The following LYST variants were observed in gnomAD, a reference collection of about 807,000 sequenced individuals.
LYST encodes lysosomal-trafficking regulator.
In LYST, 192 loss-of-function variants were observed where a neutral mutation model predicts 413.6. The observed-to-expected ratio is 0.46, with a 90% confidence interval of 0.41 to 0.52. LYST has a LOEUF of 0.52. Among genes scored for constraint, LYST ranks in the 20% least tolerant of loss-of-function variants. The pLI is 0.00. For synonymous variants in LYST, 1,525 were observed against 1,567.3 expected, an observed-to-expected ratio of 0.97 and a Z score of 0.64; for missense variants, 3,815 against 4,499.9, an observed-to-expected ratio of 0.85 and a Z score of 4.35.
At chr1:235,763,532 C>T (rs995523613) in intron 21 of LYST, among the ~76,000 whole-genome samples, 1 of 152,192 alleles carries the variant, frequency 6.6e-6, no homozygotes, top group Non-Finnish European at 1.5e-5. Context: ...CTCACTGCAA[C>T]CTCTGCCTCC....
chr1:235,865,364 C>T (rs754248132), intron 1 of LYST, among the ~76,000 whole-genome samples: 6 of 152,148 alleles, frequency 3.9e-5, no homozygotes, highest in Non-Finnish European at 5.9e-5. Flanking sequence ...TAGTACTTAA[C>T]ACCATCTGAC....
Position 235,806,338 on chromosome 1 carries a change from G to C in LYST, c.2798C>G (p.Ala933Gly). 4 of 1,613,998 alleles carry C rather than the reference G, an allele frequency of 2.5e-6. No individual in the cohort carries two copies. The highest frequency in any genetic ancestry group is 2.2e-5 in the East Asian group (1 of 44,856). The change falls in exon 6 of 53, where the codon GCC (alanine) becomes GGC (glycine). Residue 933 changes from alanine (A) to glycine (G), a missense_variant. By Grantham distance (60) the Ala-to-Gly change is moderately conservative. This residue lies in a region of LYST where 1,648 missense variants were observed against 1,810.3 expected (regional missense o/e 0.91). Coordinates refer to ENST00000389793, the MANE Select transcript of LYST (RefSeq NM_000081.4). ...CAGCATATGACTTAAAGGCTCGCTG[G>C]CTGTGCTGTCATAGCCAGAAGTATC... The part of the protein sequence containing the change: ...SEDTSGYDST[A>G]SEPLSHMLPC...
At chr1:235,731,556 AT>A (rs61633038) in intron 34 of LYST, among the ~76,000 whole-genome samples, 25,339 of 121,076 alleles carry the variant, frequency 0.21, 1,276 homozygotes, top group African/African-American at 0.27. Context: ...CCCATTTTGC[AT>A]TTTTTTTTTT....
chr1:235,877,520 C>T (rs1681190874), intron 1 of LYST, among the ~76,000 whole-genome samples: 1 of 152,270 alleles, frequency 6.6e-6, no homozygotes, highest in African/African-American at 2.4e-5. Flanking sequence ...AATTCTCCTG[C>T]CTCTGCCTCC....
rs1673263416 is a variant in LYST at position 235,809,833 on chromosome 1, G to A, written c.985C>T (p.Arg329Ter). Residue 329 changes from arginine to a stop codon, truncating the protein, a stop_gained, in exon 5 of 53, where the codon CGA becomes TGA. Transcript: ENST00000389793. LOFTEE classifies it high-confidence loss of function. This position sits in a 1 kb window ranked among gnomAD's most constrained non-coding sequence, Gnocchi z 4.0. ...ACTGACAGAAGATGCAACACTGTTCGAAAGAGCATCCTTTGAATCAAAGCC... is the reference window on the plus strand; with the variant it reads ...ACTGACAGAAGATGCAACACTGTTCAAAAGAGCATCCTTTGAATCAAAGCC... The part of the protein sequence containing the change: ...PVALIQRMLF[R>*]TVLHLLSVDV... The A allele has an allele frequency of 1.9e-6, 3 of 1,613,924 alleles. No individual in the cohort carries two copies. The highest frequency in any genetic ancestry group is 2.5e-6 in the Non-Finnish European group (3 of 1,179,952).
At chr1:235,801,160 T>A in intron 8 of LYST, 63 bp from the exon 9 acceptor site, 1 of 1,082,458 alleles carries the variant, frequency 9.2e-7, no homozygotes, top group Non-Finnish European at 1.4e-6. Flanking sequence ...CAAACTTCAT[T>A]AATCATTTAG....
chr1:235,668,860 T>C (rs1279981091), intron 50 of LYST, among the ~76,000 whole-genome samples: 3 of 152,230 alleles, frequency 2.0e-5, no homozygotes, highest in Non-Finnish European at 2.9e-5. Context: ...AAGTCAACTC[T>C]TTAAGATCTT....
intron 1 of LYST, among the ~76,000 whole-genome samples, chr1:235,843,275 A>G (rs1677425983): frequency 6.6e-6 from 1 of 152,154 alleles, no homozygotes; most frequent in East Asian, 1.9e-4. Flanking sequence ...ATTTTAATAG[A>G]TATTTATTAA....
intron 1 of LYST, among the ~76,000 whole-genome samples, chr1:235,876,123 G>A (rs1179154451): frequency 6.6e-6 from 1 of 152,072 alleles, no homozygotes; most frequent in African/African-American, 2.4e-5. Context: ...TCAGGAGGCT[G>A]AGGTGAGAGG....
rs530034435 is a variant in LYST at position 235,759,057 on chromosome 1, C to G, written c.6796G>C (p.Val2266Leu). 2.5e-6 allele frequency: 4 copies of G among 1,614,126 alleles called. No homozygotes were observed. The East Asian group carries it at 8.9e-5, about 36-fold the overall frequency. The part of the protein sequence containing the change: ...SAAVGRWPSL[V>L]DRNTDDWENF... ...TCCCAATCATCAGTGTTTCTATCAA[C>G]AAGACTTGGCCAACGGCCAACAGCT... Residue 2266 changes from valine (V) to leucine (L), a missense_variant, in exon 23 of 53, where the codon GTT becomes CTT. This residue lies in a region of LYST where 771 missense variants were observed against 837.1 expected (regional missense o/e 0.92). Transcript: ENST00000389793.
intron 48 of LYST, among the ~76,000 whole-genome samples, chr1:235,680,181 G>A (rs1659698884): frequency 6.6e-6 from 1 of 152,076 alleles, no homozygotes; most frequent in African/African-American, 2.4e-5. Context: ...CGTTTCAGGG[G>A]AGGATTATTC....
chr1:235,697,170 A>G lies in LYST; in HGVS notation c.10477T>C (p.Phe3493Leu), dbSNP rs200511787. Residue 3493 changes from phenylalanine to leucine, a missense_variant, in exon 46 of 53, where the codon TTT becomes CTT. Transcript: ENST00000389793. ...GTGGGCAGAGCCTGGAGAGAGCCAA[A>G]TCTTTCTCCGTGGGGCTGGCTGAAG... ...VCFSQPHGERFGSLQALPTRA... is the reference protein window; with the variant it reads ...VCFSQPHGERLGSLQALPTRA... 180 of 1,614,048 alleles carry G rather than the reference A, an allele frequency of 1.1e-4. No individual in the cohort carries two copies. The highest frequency in any genetic ancestry group is 1.3e-4 in the Admixed American group (8 of 60,000).
chr1:235,792,088 C>A lies in LYST; in HGVS notation c.4154G>T (p.Ser1385Ile), dbSNP rs1224211438. 3.1e-6 allele frequency: 5 copies of A among 1,612,806 alleles called. No homozygotes were observed. Among genetic ancestry groups the A allele is most frequent in the Non-Finnish European group, 4.2e-6 (5 of 1,179,244 alleles). The change falls in exon 12 of 53, where the codon AGT becomes ATT. Residue 1385 changes from serine (S) to isoleucine (I), a missense_variant. Ser to Ile is a moderately radical substitution (Grantham distance 142). Around this residue, in one of 4 missense-constraint regions of LYST, gnomAD observed 1,648 missense variants for 1,810.3 expected, o/e 0.91. Transcript: ENST00000389793. ...CTGTGAAGGGCTCATAGTAGTATCACTTTCAATAATTTTCAGAATACCCAG... is the reference window on the plus strand; with the variant it reads ...CTGTGAAGGGCTCATAGTAGTATCAATTTCAATAATTTTCAGAATACCCAG... ...LLLGILKIIE[S>I]DTTMSPSQYL... is the part of the protein sequence containing the mutation.
At chr1:235,822,463 C>G (rs1674853273) in intron 3 of LYST, among the ~76,000 whole-genome samples, 1 of 152,150 alleles carries the variant, frequency 6.6e-6, no homozygotes, top group African/African-American at 2.4e-5. Flanking sequence ...GAGCAGATAA[C>G]CTGTCTAATT....
chr1:235,755,761 C>A, intron 24 of LYST, 114 bp from the exon 25 acceptor site: 1 of 623,050 alleles, frequency 1.6e-6, no homozygotes, highest in Admixed American at 3.0e-5. Flanking sequence ...CAGAAGAACA[C>A]AGAAAGCTTA....
Position 235,757,340 on chromosome 1 carries a change from C to T in LYST, c.7000G>A (p.Asp2334Asn). 1.2e-6 allele frequency: 2 copies of T among 1,613,638 alleles called. 1 individual carries two copies. Reference sequence around the variant, plus strand: ...TGGTTAACGAGGACCAAAAGTGTATCTGCTTGAATAAGCTTGTCCATCACA... The same window carrying T: ...TGGTTAACGAGGACCAAAAGTGTATTTGCTTGAATAAGCTTGTCCATCACA... ...EDVMDKLIQA[D>N]TLLVLVNHPS... The change falls in exon 24 of 53, where the codon GAT (aspartate) becomes AAT (asparagine). Residue 2334 changes from aspartate to asparagine, a missense_variant. By Grantham distance (23) the Asp-to-Asn change is conservative. Coordinates refer to ENST00000389793, the MANE Select transcript of LYST (RefSeq NM_000081.4).
intron 48 of LYST, 152 bp from the exon 49 acceptor site, chr1:235,677,771 A>T (rs1022537865): frequency 5.0e-5 from 27 of 535,492 alleles, no homozygotes; most frequent in Non-Finnish European, 6.9e-5. Flanking sequence ...GAAAGAAATT[A>T]AAAAATTTTT....
At chr1:235,839,082 C>G (rs1345572609) in intron 1 of LYST, among the ~76,000 whole-genome samples, 1 of 152,220 alleles carries the variant, frequency 6.6e-6, no homozygotes, top group East Asian at 1.9e-4. Context: ...GCCTTGACTT[C>G]CCAAAGTGTT....
intron 50 of LYST, among the ~76,000 whole-genome samples, chr1:235,665,321 G>A (rs1444199058): frequency 6.6e-6 from 1 of 152,030 alleles, no homozygotes; most frequent in Non-Finnish European, 1.5e-5. Flanking sequence ...TCTATAAGAA[G>A]TGACTTGGCC....
Sources: gnomAD v4.1 joint callset for allele counts (sites outside exome capture counted in the v4.1 genomes callset) on GRCh38, gnomAD v4.1.1 for gene constraint, gnomAD v4.1.1 regional missense constraint, Gnocchi (gnomAD v3.1) non-coding constraint, MANE v1.5 for transcripts, NCBI Gene and HGNC (gene_info 2026-07-23, HGNC 2026-07-21) for gene names.